Variants in TC2N observed in about 807,000 individuals in gnomAD.
The protein encoded by TC2N is tandem C2 domains, nuclear, also known as tandem C2 domains nuclear protein.
A neutral mutation model predicts 61.9 loss-of-function variants in TC2N; 51 were observed. The observed-to-expected ratio is 0.82, with a 90% CI of 0.66 to 1.04. The LOEUF (loss-of-function observed/expected upper bound fraction) is 1.04. TC2N is among the 50% of genes least tolerant of loss of function. The pLI, the probability that TC2N is intolerant of heterozygous loss-of-function variation, is 0.00. For synonymous variants in TC2N, 204 were observed against 192.6 expected, an observed-to-expected ratio of 1.06 and a Z score of -0.49; for missense variants, 556 against 566.7, an observed-to-expected ratio of 0.98 and a Z score of 0.19.
chr14:91,836,447 C>T (rs1175357707), intron 1 of TC2N: 1 of 152,234 alleles, frequency 6.6e-6, no homozygotes, highest in Admixed American at 6.5e-5. Flanking sequence ...GGCCGCGCCT[C>T]GAGGTCCTGC....
At chr14:91,839,508 C>CA (rs1488389819) in intron 1 of TC2N, among the ~76,000 whole-genome samples, 1 of 152,172 alleles carries the variant, frequency 6.6e-6, no homozygotes, top group Non-Finnish European at 1.5e-5. Flanking sequence ...AGTGAGTTAC[C>CA]AATGGGCAGG....
chr14:91,854,635 G>C (rs950918803), intron 1 of TC2N, among the ~76,000 whole-genome samples: 4 of 152,172 alleles, frequency 2.6e-5, no homozygotes, highest in African/African-American at 9.7e-5. Flanking sequence ...TCTTTGGAGT[G>C]TTCCTCTAGG....
intron 1 of TC2N, 48 bp from the exon 2 acceptor site, chr14:91,813,873 C>A: frequency 1.4e-6 from 1 of 701,692 alleles, no homozygotes; most frequent in Non-Finnish European, 2.4e-6. Flanking sequence ...ATGCTTAATA[C>A]CATTAGATAT....
chr14:91,807,166 G>C (rs1157415095), intron 3 of TC2N, among the ~76,000 whole-genome samples: 5 of 152,214 alleles, frequency 3.3e-5, no homozygotes, highest in Non-Finnish European at 5.9e-5. Flanking sequence ...TGGATGTCCA[G>C]GCAAACGTTT....
intron 1 of TC2N, among the ~76,000 whole-genome samples, chr14:91,821,048 C>T (rs1216375299): frequency 6.6e-6 from 1 of 151,950 alleles, no homozygotes; most frequent in Non-Finnish European, 1.5e-5. Context: ...GGTGGCAATA[C>T]TCCCCAAATT....
In TC2N at chr14:91,798,995, T is replaced by C. The variant is rs1159727908; in HGVS notation, c.631A>G (p.Ser211Gly). The C allele has an allele frequency of 3.1e-6, 5 of 1,595,854 alleles. No individual in the cohort carries two copies. The highest frequency in any genetic ancestry group is 1.1e-5 in the South Asian group (1 of 89,350). Residue 211 changes from serine (S) to glycine (G), a missense_variant, in exon 6 of 12, where the codon AGC becomes GGC. By Grantham distance (56) the Ser-to-Gly change is moderately conservative. Transcript: ENST00000435962. ...SRKNSQGSNR[S>G]LDTITLSGDE... ...AGGATACTTTATTCCTTACCCAGGC[T>C]TCTGTTACTCCCCTGAGAATTTTTC...
In TC2N at chr14:91,798,294, T is replaced by A. The variant is rs890434278; in HGVS notation, c.738+5A>T. 1 of 1,443,468 alleles carries A rather than the reference T, an allele frequency of 6.9e-7. No individual in the cohort carries two copies. Among genetic ancestry groups the A allele is most frequent in the Middle Eastern group, 1.8e-4 (1 of 5,666 alleles). 89.4% of individuals were successfully genotyped at this position (1,443,468 alleles called of 1,614,324 possible). A position where few individuals can be genotyped will look rare whatever the true frequency, so the allele number is the denominator to read the frequency against. ...TAAAAGCTGGTATTAACTATACTAATTTACCTGTAAAACTGTGATCCAGAT... is the reference window on the plus strand; with the variant it reads ...TAAAAGCTGGTATTAACTATACTAAATTACCTGTAAAACTGTGATCCAGAT... On this transcript the variant is annotated splice_donor_5th_base_variant and intron_variant, in intron 7 of 11. Transcript: ENST00000435962.
intron 9 of TC2N, among the ~76,000 whole-genome samples, chr14:91,790,333 T>A (rs577094563): frequency 2.6e-5 from 4 of 152,196 alleles, no homozygotes; most frequent in Non-Finnish European, 5.9e-5. Context: ...TCAGTGTGGA[T>A]GGGAAAGTAC....
At chr14:91,840,652 A>T (rs996187546) in intron 1 of TC2N, among the ~76,000 whole-genome samples, 28 of 152,344 alleles carry the variant, frequency 1.8e-4, no homozygotes, top group African/African-American at 6.7e-4. Context: ...TCTAGTATAT[A>T]TTCAGGAAAA....
chr14:91,810,039 C>T (rs1886694254), intron 3 of TC2N, among the ~76,000 whole-genome samples: 1 of 152,150 alleles, frequency 6.6e-6, no homozygotes, highest in African/African-American at 2.4e-5. Flanking sequence ...GTACAGGAAG[C>T]ATGGTGCCAG....
At chr14:91,791,349 G>A (rs1055961558) in intron 9 of TC2N, among the ~76,000 whole-genome samples, 1 of 152,022 alleles carries the variant, frequency 6.6e-6, no homozygotes, top group Admixed American at 6.6e-5. Context: ...GAGTTAAGAA[G>A]CACTTCCAGT....
Position 91,825,034 on chromosome 14 carries a change from T to C in TC2N, c.-56-11209A>G, listed in dbSNP as rs902724111. ...AATTTTCTTTTTCTTTTCTTTTTTTTTTTTTTTTTTTTTTTTTTGGAGATG... is the reference window on the plus strand; with the variant it reads ...AATTTTCTTTTTCTTTTCTTTTTTTCTTTTTTTTTTTTTTTTTTGGAGATG... On this transcript the variant is annotated intron_variant, in intron 1 of 11. Coordinates refer to ENST00000435962, the MANE Select transcript of TC2N (RefSeq NM_001128596.3). Among the ~76,000 whole-genome samples the C allele has an allele frequency of 1.2e-4, 15 of 124,336 alleles. No homozygotes were observed. The East Asian group carries it at 2.4e-3, about 20-fold the overall frequency. 81.6% of individuals were successfully genotyped at this position (124,336 alleles called of 152,430 possible).
At chr14:91,803,124 C>A (rs1886340040) in intron 3 of TC2N, among the ~76,000 whole-genome samples, 1 of 151,762 alleles carries the variant, frequency 6.6e-6, no homozygotes, top group Non-Finnish European at 1.5e-5. Context: ...TGGCACTGCA[C>A]AAGAAAGAAT....
chr14:91,834,939 C>G (rs1286014386), intron 1 of TC2N, among the ~76,000 whole-genome samples: 2 of 152,212 alleles, frequency 1.3e-5, no homozygotes, highest in Non-Finnish European at 2.9e-5. Flanking sequence ...CTGCTTCCAA[C>G]ATTTGTAAGT....
chr14:91,789,136 G>A (rs530321880), intron 9 of TC2N, among the ~76,000 whole-genome samples: 10 of 152,142 alleles, frequency 6.6e-5, no homozygotes, highest in Admixed American at 1.3e-4. Flanking sequence ...ATGAAAACAC[G>A]TAAAGGTGGC....
In TC2N at chr14:91,783,133, A is replaced by T; in HGVS notation, c.1440T>A (p.Val480=). The T allele has an allele frequency of 1.2e-6, 2 of 1,611,508 alleles. No individual in the cohort carries two copies. Among genetic ancestry groups the T allele is most frequent in the Non-Finnish European group, 1.7e-6 (2 of 1,178,312 alleles). Residue 480 remains valine (V), a synonymous_variant, in exon 12 of 12, where the codon GTT becomes GTA. Coordinates refer to ENST00000435962, the MANE Select transcript of TC2N (RefSeq NM_001128596.3). ...WKETVINPEK[V]VIRWHKLNPS Reference sequence around the variant, plus strand: ...GATTTAATTTGTGCCACCTGATAACAACCTTTTCTGGATTTATTACTGTCT... The same window carrying T: ...GATTTAATTTGTGCCACCTGATAACTACCTTTTCTGGATTTATTACTGTCT...
At position 91,797,208 on chromosome 14, in the gene TC2N, T is replaced by C. The variant is rs563322911; in HGVS notation, c.855+577A>G. ...TTTAAATTTGTATTTCTATGATTAATAGTGAGAAGAAACTTTTTATATGTT... is the reference window on the plus strand; with the variant it reads ...TTTAAATTTGTATTTCTATGATTAACAGTGAGAAGAAACTTTTTATATGTT... On this transcript the variant is annotated intron_variant, in intron 8 of 11. Coordinates refer to ENST00000435962, the MANE Select transcript of TC2N (RefSeq NM_001128596.3). Among the ~76,000 whole-genome samples, 19 of 152,192 alleles carry C rather than the reference T, an allele frequency of 1.2e-4. No individual in the cohort carries two copies. The South Asian group carries it at 3.9e-3, about 32-fold the overall frequency.
In TC2N at chr14:91,799,024, G is replaced by C. The variant is rs1886070026; in HGVS notation, c.602C>G (p.Ser201Ter). The change falls in exon 6 of 12, where the codon TCA becomes TGA. Residue 201 changes from serine to a stop codon, truncating the protein, a stop_gained. Coordinates refer to ENST00000435962, the MANE Select transcript of TC2N (RefSeq NM_001128596.3). LOFTEE classifies it high-confidence loss of function. ...SLSSVPSSSSSRKNSQGSNRS... is the reference protein window; with the variant it reads ...SLSSVPSSSS ...GTTACTCCCCTGAGAATTTTTCCTTGAAGAAGAACTACTGGGTACACTGGA... is the reference window on the plus strand; with the variant it reads ...GTTACTCCCCTGAGAATTTTTCCTTCAAGAAGAACTACTGGGTACACTGGA... The C allele has an allele frequency of 6.3e-7, 1 of 1,597,950 alleles. No homozygotes were observed. The highest frequency in any genetic ancestry group is 8.5e-7 in the Non-Finnish European group (1 of 1,173,318).
intron 3 of TC2N, among the ~76,000 whole-genome samples, chr14:91,810,185 T>C (rs540032682): frequency 1.3e-5 from 2 of 152,188 alleles, no homozygotes; most frequent in Non-Finnish European, 2.9e-5. Flanking sequence ...CAACCAGATC[T>C]CACAGGAACT....
Sources: gnomAD v4.1 joint callset for allele counts (sites outside exome capture counted in the v4.1 genomes callset) on GRCh38, gnomAD v4.1.1 for gene constraint, MANE v1.5 for transcripts, NCBI Gene and HGNC (gene_info 2026-07-23, HGNC 2026-07-21) for gene names.